Variants in AXL observed in about 807,000 individuals in gnomAD.
The protein encoded by AXL is tyrosine-protein kinase receptor UFO.
AXL carries 52 observed loss-of-function variants against 104.5 expected under a neutral mutation model. The ratio of observed to expected loss-of-function variants is 0.50; its 90% CI spans 0.40 to 0.63. The LOEUF is 0.63. Ranked by LOEUF, AXL falls within the 20% of genes least tolerant of loss-of-function variation. AXL has a pLI of 0.00. For missense variants in AXL, 1,024 were observed against 1,188.5 expected, an observed-to-expected ratio of 0.86 and a Z score of 2.04; for synonymous variants, 455 against 473.7, an observed-to-expected ratio of 0.96 and a Z score of 0.51.
intron 10 of AXL, among the ~76,000 whole-genome samples, chr19:41,242,496 A>G (rs2034200926): frequency 6.6e-6 from 1 of 151,176 alleles, no homozygotes; most frequent in South Asian, 2.1e-4. Flanking sequence ...TAATTTTTGT[A>G]TATATTTTGT....
At position 41,248,958 on chromosome 19, in the gene AXL, T is replaced by C. The variant is rs985375525; in HGVS notation, c.1711+138T>C. On this transcript the variant is annotated intron_variant, in intron 14 of 19. Transcript: ENST00000301178. ...ATGGAGCCCCTGCCAGGTACCTCAATAGAAGGAATTGAATATGGGGAGATT... is the reference window on the plus strand; with the variant it reads ...ATGGAGCCCCTGCCAGGTACCTCAACAGAAGGAATTGAATATGGGGAGATT... 5 of 858,320 alleles carry C rather than the reference T, an allele frequency of 5.8e-6. No homozygotes were observed. The African/African-American group carries it at 6.9e-5, about 12-fold the overall frequency. The allele number at this position is 858,320 out of a possible 1,614,324, so 53.2% of individuals were successfully genotyped here. A position where few individuals can be genotyped will look rare whatever the true frequency, so the allele number is the denominator to read the frequency against.
At chr19:41,257,392 G>A (rs890462417) in intron 18 of AXL, 101 bp from the exon 19 acceptor site, 34 of 1,477,830 alleles carry the variant, frequency 2.3e-5, no homozygotes, top group Non-Finnish European at 3.0e-5. Context: ...GAGGATGGTT[G>A]TGAACATGTG....
At chr19:41,238,246 C>T (rs2034117396) in intron 7 of AXL, 92 bp downstream of exon 7, 1 of 1,481,624 alleles carries the variant, frequency 6.7e-7, no homozygotes, top group Non-Finnish European at 9.4e-7. Flanking sequence ...CACTCCTTTA[C>T]CCCTCATGGC....
intron 10 of AXL, among the ~76,000 whole-genome samples, chr19:41,242,395 C>T (rs1461972204): frequency 6.9e-6 from 1 of 145,386 alleles, no homozygotes; most frequent in Non-Finnish European, 1.5e-5. Context: ...CCAGTCTCGG[C>T]TCACTGAAAC....
intron 17 of AXL, 25 bp downstream of exon 17, chr19:41,253,733 C>CCG (rs1555732379): frequency 6.5e-7 from 1 of 1,537,786 alleles, no homozygotes; most frequent in Non-Finnish European, 8.9e-7. Context: ...GGGACCCCCC[C>CCG]CCCCCAACTG....
Position 41,238,135 on chromosome 19 carries a change from T to A in AXL, c.975T>A (p.Pro325=), listed in dbSNP as rs2122234621. 3.1e-6 allele frequency: 5 copies of A among 1,614,054 alleles called. No individual in the cohort carries two copies. Among genetic ancestry groups the A allele is most frequent in the Non-Finnish European group, 4.2e-6 (5 of 1,179,976 alleles). Residue 325 remains proline, a synonymous_variant, in exon 7 of 20, where the codon CCT becomes CCA. Transcript: ENST00000301178. ...CCTCATCCTGGACCCACTGGCTTCCTGTGGAGACGCCGGAGGGAGGTAAGA... is the reference window on the plus strand; with the variant it reads ...CCTCATCCTGGACCCACTGGCTTCCAGTGGAGACGCCGGAGGGAGGTAAGA... ...QGPSSWTHWL[P]VETPEGVPLG... is the part of the protein sequence containing the mutation.
At chr19:41,236,062 A>G (rs2034073434) in intron 6 of AXL, among the ~76,000 whole-genome samples, 1 of 150,744 alleles carries the variant, frequency 6.6e-6, no homozygotes, top group African/African-American at 2.4e-5. Context: ...CGGGTGTGGT[A>G]GCTCACACCT....
intron 6 of AXL, among the ~76,000 whole-genome samples, chr19:41,231,561 G>A (rs1337097277): frequency 2.0e-5 from 3 of 152,166 alleles, no homozygotes; most frequent in African/African-American, 7.2e-5. Flanking sequence ...TACCTGGTAT[G>A]CTTAGTGTGA....
chr19:41,248,651 G>A (rs1169292061), intron 13 of AXL, 42 bp downstream of exon 13: 1 of 1,612,428 alleles, frequency 6.2e-7, no homozygotes. Context: ...CTGAACTTCT[G>A]AGATCCTGCA....
At chr19:41,230,367 G>T (rs1018411694) in intron 4 of AXL, among the ~76,000 whole-genome samples, 1 of 151,550 alleles carries the variant, frequency 6.6e-6, no homozygotes, top group African/African-American at 2.4e-5. Flanking sequence ...GTGTGTCTGA[G>T]CATATGTGTC....
At chr19:41,222,144 G>A in intron 4 of AXL, 88 bp downstream of exon 4, 2 of 1,326,552 alleles carry the variant, frequency 1.5e-6, no homozygotes, top group South Asian at 1.6e-5. Flanking sequence ...CTCTGCGTGA[G>A]TGTCTGACTG....
At chr19:41,245,164 C>T (rs534998674) in intron 12 of AXL, among the ~76,000 whole-genome samples, 2 of 150,204 alleles carry the variant, frequency 1.3e-5, no homozygotes, top group East Asian at 2.0e-4. Context: ...CTCCTGAACC[C>T]GTGCCTCCCA....
Position 41,221,450 on chromosome 19 carries a change from G to T in AXL, c.409+204G>T, listed in dbSNP as rs1425455006. 7.2e-6 allele frequency: 4 copies of T among 556,052 alleles called. No homozygotes were observed. In the Admixed American group the frequency reaches 1.0e-4, roughly 14 times the overall value. The allele number at this position is 556,052 out of a possible 1,614,324, so 34.4% of individuals were successfully genotyped here. On this transcript the variant is annotated intron_variant, in intron 3 of 19. Coordinates refer to ENST00000301178, the MANE Select transcript of AXL (RefSeq NM_021913.5). ...ATAAGTTATGGTGCCAAGGCTGGGGGATTATATGTTCTGGGTGAAAAGACT... is the reference window on the plus strand; with the variant it reads ...ATAAGTTATGGTGCCAAGGCTGGGGTATTATATGTTCTGGGTGAAAAGACT...
Position 41,256,606 on chromosome 19 carries a change from G to T in AXL, c.2191G>T (p.Asp731Tyr). 6.2e-7 allele frequency: 1 copy of T among 1,613,718 alleles called. No homozygotes were observed. Among genetic ancestry groups the T allele is most frequent in the Middle Eastern group, 1.7e-4 (1 of 6,060 alleles). The change falls in exon 18 of 20, where the codon GAT becomes TAT. Residue 731 changes from aspartate to tyrosine, a missense_variant. Physicochemically the swap from Asp to Tyr is radical, Grantham distance 160. Around this residue, in one of 5 missense-constraint regions of AXL, gnomAD observed 523 missense variants for 636.0 expected, o/e 0.82. Coordinates refer to ENST00000301178, the MANE Select transcript of AXL (RefSeq NM_021913.5). Reference protein sequence around the residue: ...LADRVYTSKSDVWSFGVTMWE... With the variant: ...LADRVYTSKSYVWSFGVTMWE... The stretch of plus-strand genomic sequence containing the variant: ...TGACCGTGTCTACACCAGCAAGAGC[G>T]ATGTGGTAGGTGCACTCCCGCCAAG...
intron 8 of AXL, among the ~76,000 whole-genome samples, 186 bp from the exon 9 acceptor site, chr19:41,238,978 T>C (rs992187101): frequency 6.6e-6 from 1 of 151,382 alleles, no homozygotes; most frequent in Non-Finnish European, 1.5e-5. Context: ...AAAGGGAAGC[T>C]AGAAGGGGAT....
intron 4 of AXL, among the ~76,000 whole-genome samples, chr19:41,230,342 C>G (rs548261617): frequency 7.3e-6 from 1 of 137,560 alleles, no homozygotes; most frequent in Non-Finnish European, 1.6e-5. Flanking sequence ...TGTGTGTATG[C>G]GCCTGTGCCT....
intron 19 of AXL, 68 bp from the exon 20 acceptor site, chr19:41,259,485 C>T (rs2034501403): frequency 2.9e-6 from 4 of 1,400,232 alleles, no homozygotes; most frequent in Non-Finnish European, 9.8e-7. Context: ...TAAAATGTCC[C>T]CAGGCTTCCA....
intron 6 of AXL, among the ~76,000 whole-genome samples, chr19:41,233,699 G>C (rs1199606046): frequency 2.0e-5 from 3 of 146,928 alleles, no homozygotes; most frequent in Non-Finnish European, 3.0e-5. Flanking sequence ...GAGGCCCAGA[G>C]AGGGGCCCCC....
intron 14 of AXL, among the ~76,000 whole-genome samples, chr19:41,249,711 G>C (rs1417190154): frequency 6.6e-6 from 1 of 151,622 alleles, no homozygotes; most frequent in African/African-American, 2.4e-5. Flanking sequence ...AGCCGAGATC[G>C]TGCCACTGCC....
Sources: allele counts gnomAD v4.1 joint callset (sites outside exome capture counted in the v4.1 genomes callset), GRCh38; gene constraint gnomAD v4.1.1; regional missense constraint gnomAD v4.1.1; transcripts MANE v1.5; gene names NCBI Gene and HGNC (gene_info 2026-07-23, HGNC 2026-07-21).